The following SWT1 variants were observed in gnomAD, a reference collection of about 807,000 sequenced individuals.
The protein encoded by SWT1 is SWT1 RNA endoribonuclease homolog.
A neutral mutation model predicts 107.3 loss-of-function variants in SWT1; 33 were observed. That is an observed-to-expected ratio of 0.31 (90% CI 0.23 to 0.41). The LOEUF (loss-of-function observed/expected upper bound fraction) is 0.41. Ranked by LOEUF, SWT1 falls within the 10% of genes least tolerant of loss-of-function variation. SWT1 has a pLI of 1.00. For synonymous variants in SWT1, 345 were observed against 348.3 expected (o/e 0.99, Z 0.11); for missense variants, 898 against 1,028.9 (o/e 0.87, Z 1.74).
intron 7 of SWT1, 52 bp downstream of exon 7, chr1:185,182,109 A>G: frequency 2.0e-6 from 3 of 1,533,880 alleles, no homozygotes; most frequent in Non-Finnish European, 2.7e-6. Context: ...CTAAAAATTA[A>G]TGTGCCAATA....
In SWT1 at chr1:185,160,828, G is replaced by A. The variant is rs1654079682; in HGVS notation, c.-9-5G>A. ...CAAATCCTATATTTTTAATGTTTATGTTAGCTTTTCAGGATGTCCAGCAAA... is the reference window on the plus strand; with the variant it reads ...CAAATCCTATATTTTTAATGTTTATATTAGCTTTTCAGGATGTCCAGCAAA... On this transcript the variant is annotated splice_region_variant and splice_polypyrimidine_tract_variant and intron_variant, in intron 1 of 18. Coordinates refer to ENST00000367500, the MANE Select transcript of SWT1 (RefSeq NM_017673.7). 2 of 1,601,270 alleles carry A rather than the reference G, an allele frequency of 1.2e-6. No homozygotes were observed. The highest frequency in any genetic ancestry group is 3.3e-4 in the Middle Eastern group (2 of 6,000).
At chr1:185,284,889 CTTT>C (rs111492496) in intron 18 of SWT1, among the ~76,000 whole-genome samples, 1 of 142,062 alleles carries the variant, frequency 7.0e-6, no homozygotes, top group Admixed American at 7.1e-5. Context: ...AGATAAGTGT[CTTT>C]TTTTTTTTTT....
chr1:185,280,806 G>C, intron 18 of SWT1: 1 of 313,652 alleles, frequency 3.2e-6, no homozygotes, highest in South Asian at 2.9e-5. Flanking sequence ...GTTGGCGAGT[G>C]GCAGGGAGCC....
chr1:185,278,706 T>A (rs150649597), intron 18 of SWT1, among the ~76,000 whole-genome samples: 3 of 152,214 alleles, frequency 2.0e-5, no homozygotes, highest in African/African-American at 7.2e-5. Context: ...CACTGCATTG[T>A]ATAGTCATGC....
At chr1:185,249,993 G>A (rs1362961267) in intron 16 of SWT1, among the ~76,000 whole-genome samples, 1 of 152,146 alleles carries the variant, frequency 6.6e-6, no homozygotes, top group Non-Finnish European at 1.5e-5. Flanking sequence ...ATCCTGTAAA[G>A]CTGTTTGTTT....
chr1:185,196,412 G>A (rs188790602), intron 10 of SWT1, among the ~76,000 whole-genome samples: 42 of 152,266 alleles, frequency 2.8e-4, no homozygotes, highest in Middle Eastern at 3.4e-3. Context: ...TTTGAAGTCA[G>A]GTAATGTGAT....
chr1:185,238,868 T>A (rs1389355284), intron 16 of SWT1, among the ~76,000 whole-genome samples: 1 of 152,050 alleles, frequency 6.6e-6, no homozygotes, highest in African/African-American at 2.4e-5. Context: ...AAAATTTTTT[T>A]GCTAAATATT....
intron 13 of SWT1, among the ~76,000 whole-genome samples, chr1:185,208,388 A>G (rs746407797): frequency 2.0e-5 from 3 of 152,182 alleles, no homozygotes; most frequent in Non-Finnish European, 4.4e-5. Context: ...TAAGAGATTG[A>G]GCAATATAAA....
In SWT1 at chr1:185,169,428, G is replaced by A. The variant is rs182331435; in HGVS notation, c.224+1030G>A. On this transcript the variant is annotated intron_variant, in intron 4 of 18. Transcript: ENST00000367500. Reference sequence around the variant, plus strand: ...TATAAAATGTTTTATAAAAATCTCCGTATTAATTCAGCTCTAGAGAAGTTT... The same window carrying A: ...TATAAAATGTTTTATAAAAATCTCCATATTAATTCAGCTCTAGAGAAGTTT... Among the ~76,000 whole-genome samples, 19 of 151,846 alleles carry A rather than the reference G, an allele frequency of 1.3e-4. No homozygotes were observed. The East Asian group carries it at 1.9e-3, about 15-fold the overall frequency.
intron 9 of SWT1, among the ~76,000 whole-genome samples, chr1:185,189,139 AC>A (rs982784016): frequency 9.9e-5 from 15 of 151,960 alleles, no homozygotes; most frequent in Admixed American, 5.2e-4. Context: ...GGAGTGTGCC[AC>A]CGAGCCTGGA....
intron 16 of SWT1, among the ~76,000 whole-genome samples, chr1:185,241,729 TAGAA>T (rs2102610360): frequency 1.3e-5 from 2 of 152,286 alleles, no homozygotes; most frequent in Admixed American, 1.3e-4. Flanking sequence ...GTCTTTGTGA[TAGAA>T]GGCAACTTTT....
At chr1:185,256,141 G>A (rs1355130595) in intron 16 of SWT1, among the ~76,000 whole-genome samples, 19 of 151,092 alleles carry the variant, frequency 1.3e-4, no homozygotes, top group Non-Finnish European at 2.1e-4. Context: ...GGTTTCTGCC[G>A]AGAGATCCGC....
intron 10 of SWT1, among the ~76,000 whole-genome samples, chr1:185,193,817 CTG>C (rs2102418282): frequency 6.6e-6 from 1 of 152,302 alleles, no homozygotes; most frequent in South Asian, 2.1e-4. Flanking sequence ...AAGTCTCCAA[CTG>C]TAATTGTGGA....
chr1:185,288,594 C>A (rs1338548310), intron 18 of SWT1, among the ~76,000 whole-genome samples: 2 of 152,042 alleles, frequency 1.3e-5, no homozygotes, highest in African/African-American at 4.8e-5. Flanking sequence ...TGGTTCTCTC[C>A]AACACCATGA....
At chr1:185,158,289 T>G (rs1304391220) in intron 1 of SWT1, among the ~76,000 whole-genome samples, 1 of 151,846 alleles carries the variant, frequency 6.6e-6, no homozygotes, top group African/African-American at 2.4e-5. Flanking sequence ...GTGTTTAACC[T>G]CTCCCCAGTT....
At chr1:185,171,857 A>G (rs1655098013) in intron 4 of SWT1, 1 of 333,720 alleles carries the variant, frequency 3.0e-6, no homozygotes, top group Non-Finnish European at 5.8e-6. Flanking sequence ...CTGGGACTAC[A>G]GGCGCATGCC....
At chr1:185,219,588 AG>A (rs1659481290) in intron 14 of SWT1, among the ~76,000 whole-genome samples, 1 of 152,204 alleles carries the variant, frequency 6.6e-6, no homozygotes, top group African/African-American at 2.4e-5. Context: ...AAGTTTACAA[AG>A]CATATTTATA....
intron 3 of SWT1, 23 bp from the exon 4 acceptor site, chr1:185,168,317 T>A: frequency 1.4e-6 from 1 of 718,932 alleles, no homozygotes; most frequent in South Asian, 2.7e-5. Flanking sequence ...ACAATTTATG[T>A]GTCCTTTTTT....
intron 3 of SWT1, among the ~76,000 whole-genome samples, chr1:185,167,747 G>A (rs1654705123): frequency 6.6e-6 from 1 of 152,062 alleles, no homozygotes; most frequent in South Asian, 2.1e-4. Flanking sequence ...TCTTTCTGCT[G>A]AATTTATACC....
Sources: allele counts gnomAD v4.1 joint callset (sites outside exome capture counted in the v4.1 genomes callset), GRCh38; gene constraint gnomAD v4.1.1; transcripts MANE v1.5; gene names NCBI Gene and HGNC (gene_info 2026-07-23, HGNC 2026-07-21).